Variants in INTS1 observed in about 807,000 individuals in gnomAD.
INTS1 encodes the protein integrator complex subunit 1.
A neutral mutation model predicts 241.6 loss-of-function variants in INTS1; 137 were observed. The ratio of observed to expected loss-of-function variants is 0.57; its 90% CI spans 0.49 to 0.65. The LOEUF (loss-of-function observed/expected upper bound fraction) is 0.65, where lower values mean the gene tolerates loss of function less well. Ranked by LOEUF, INTS1 falls within the 30% of genes least tolerant of loss-of-function variation. The pLI is 0.00. For synonymous variants in INTS1, 1,692 were observed against 1,337.8 expected (o/e 1.26, Z -5.78); for missense variants, 3,073 against 3,032.2 (o/e 1.01, Z -0.32).
At chr7:1,496,835 C>T (rs574586117) in intron 11 of INTS1, among the ~76,000 whole-genome samples, 4 of 152,184 alleles carry the variant, frequency 2.6e-5, no homozygotes, top group Non-Finnish European at 5.9e-5. Context: ...AGCCAGGCAG[C>T]CCGCAGCCCC....
chr7:1,473,641 T>C lies in INTS1; in HGVS notation c.5882A>G (p.Gln1961Arg). 2 of 1,613,454 alleles carry C rather than the reference T, an allele frequency of 1.2e-6. No individual in the cohort carries two copies. Among genetic ancestry groups the C allele is most frequent in the Non-Finnish European group, 1.7e-6 (2 of 1,179,798 alleles). ...HLAAFINKFVQFIHKYITYNA... is the reference protein window; with the variant it reads ...HLAAFINKFVRFIHKYITYNA... ...GTAGGTAATGTACTTATGGATGAAC[T>C]GCACAAACTTGTTGATGAAGGCAGC... Residue 1961 changes from glutamine (Q) to arginine (R), a missense_variant, in exon 42 of 48, where the codon CAG becomes CGG. Coordinates refer to ENST00000404767, the MANE Select transcript of INTS1 (RefSeq NM_001080453.3).
chr7:1,491,260 G>A (rs1487100571), intron 16 of INTS1, among the ~76,000 whole-genome samples: 2 of 152,226 alleles, frequency 1.3e-5, no homozygotes, highest in Non-Finnish European at 2.9e-5. Context: ...TGCTGCCCAC[G>A]TGGGTCCACA....
chr7:1,476,393 C>A lies in INTS1; in HGVS notation c.5214G>T (p.Leu1738=). Residue 1738 remains leucine, a synonymous_variant, in exon 38 of 48, where the codon CTG becomes CTT. Transcript: ENST00000404767. ...TCCGCGTCTCCGCCTCGGCCAGGAT[C>A]AGCTCCACCAGGCTGATGAGCTCCG... ...QGPELISLVE[L]ILAEAETRSQ... The A allele has an allele frequency of 6.3e-7, 1 of 1,577,070 alleles. No individual in the cohort carries two copies. Among genetic ancestry groups the A allele is most frequent in the East Asian group, 2.3e-5 (1 of 42,982 alleles).
chr7:1,478,808 G>T lies in INTS1; in HGVS notation c.4407C>A (p.Ser1469Arg). The T allele has an allele frequency of 6.2e-7, 1 of 1,607,760 alleles. No homozygotes were observed. Among genetic ancestry groups the T allele is most frequent in the South Asian group, 1.1e-5 (1 of 90,224 alleles). Residue 1469 changes from serine (S) to arginine (R), a missense_variant, in exon 32 of 48, where the codon AGC (serine) becomes AGA (arginine). Transcript: ENST00000404767. ...VLLQMLQWLDSPGVEGGPLRA... is the reference protein window; with the variant it reads ...VLLQMLQWLDRPGVEGGPLRA... ...GCAGGGGCCCGCCCTCCACGCCAGG[G>T]CTGTCCAGCCACTGCAGCATCTGCA...
chr7:1,473,931 C>T (rs1054132228), intron 41 of INTS1, among the ~76,000 whole-genome samples: 21 of 152,348 alleles, frequency 1.4e-4, no homozygotes, highest in Admixed American at 3.3e-4. Context: ...ACAAGCGACA[C>T]GCAGAGAACA....
In INTS1 at chr7:1,484,003, C is replaced by T. The variant is rs1562498384; in HGVS notation, c.3429G>A (p.Trp1143Ter). The change falls in exon 25 of 48, where the codon TGG becomes TGA. Residue 1143 changes from tryptophan (W) to a stop codon, truncating the protein, a stop_gained and splice_region_variant. Transcript: ENST00000404767. LOFTEE classifies it high-confidence loss of function. The part of the protein sequence containing the change: ...QSKEGEEVYS[W>*]SESQDQVFLR... ...CGGCCGTAGACCTCCTCGCCCTCAC[C>T]CAGCTGTAGACCTCCTCGCCCTCCT... The T allele has an allele frequency of 1.2e-6, 2 of 1,605,936 alleles. No homozygotes were observed. Among genetic ancestry groups the T allele is most frequent in the Non-Finnish European group, 1.7e-6 (2 of 1,175,762 alleles).
intron 10 of INTS1, among the ~76,000 whole-genome samples, chr7:1,498,042 G>A (rs542962720): frequency 6.5e-5 from 7 of 107,452 alleles, no homozygotes; most frequent in East Asian, 7.1e-4. Context: ...AATAAGACCC[G>A]GTCTCCACAA....
At chr7:1,472,609 T>C (rs1013636869) in intron 43 of INTS1, among the ~76,000 whole-genome samples, 4 of 152,150 alleles carry the variant, frequency 2.6e-5, no homozygotes, top group East Asian at 1.9e-4. Context: ...TTTCTCGCAA[T>C]GTGGGCCAGG....
At chr7:1,478,952 C>T (rs879743439) in intron 31 of INTS1, 67 bp from the exon 32 acceptor site, 23 of 1,512,068 alleles carry the variant, frequency 1.5e-5, no homozygotes, top group Admixed American at 5.7e-5. Flanking sequence ...ACCCGAGGCC[C>T]AGAGCAGGGC....
chr7:1,483,707 C>A, intron 26 of INTS1, 35 bp downstream of exon 26: 3 of 1,557,150 alleles, frequency 1.9e-6, no homozygotes, highest in Non-Finnish European at 2.6e-6. Flanking sequence ...CCACCTGGCA[C>A]GAAGCTGCCC....
intron 3 of INTS1, chr7:1,501,323 G>A (rs1583167415): frequency 6.6e-6 from 1 of 151,834 alleles, no homozygotes; most frequent in African/African-American, 2.4e-5. Flanking sequence ...TAAATAATAA[G>A]TAAATACATA....
At chr7:1,478,568 C>T (rs2128534782) in intron 32 of INTS1, 62 bp from the exon 33 acceptor site, 1 of 1,565,000 alleles carries the variant, frequency 6.4e-7, no homozygotes, top group Admixed American at 1.8e-5. Flanking sequence ...TGTATCCCAT[C>T]CAGGGAGGCC....
At chr7:1,498,934 C>G in intron 8 of INTS1, 41 bp downstream of exon 8, 1 of 1,466,576 alleles carries the variant, frequency 6.8e-7, no homozygotes, top group Non-Finnish European at 9.2e-7. Context: ...GAGCCTGCCC[C>G]CACCCCCTGC....
Position 1,477,780 on chromosome 7 carries a change from C to A in INTS1, c.4787G>T (p.Gly1596Val), listed in dbSNP as rs551678275. 4.3e-6 allele frequency: 7 copies of A among 1,612,442 alleles called. No individual in the cohort carries two copies. In the African/African-American group the frequency reaches 6.7e-5, roughly 15 times the overall value. The part of the protein sequence containing the change: ...LLLQEEEPLA[G>V]GKPGADGGSL... ...GCCACCGTCCGCACCCGGCTTCCCC[C>A]CAGCCAGGGGCTCCTCCTCCTGCAG... Residue 1596 changes from glycine to valine, a missense_variant, in exon 34 of 48, where the codon GGG becomes GTG. Gly to Val is a moderately radical substitution (Grantham distance 109). Coordinates refer to ENST00000404767, the MANE Select transcript of INTS1 (RefSeq NM_001080453.3).
At chr7:1,496,786 C>A (rs925218130) in intron 11 of INTS1, among the ~76,000 whole-genome samples, 7 of 152,182 alleles carry the variant, frequency 4.6e-5, no homozygotes, top group Non-Finnish European at 7.3e-5. Flanking sequence ...TGCCTTCCAG[C>A]GCCAGCTCCC....
At position 1,471,650 on chromosome 7, in the gene INTS1, G is replaced by A. The variant is rs1781473263; in HGVS notation, c.6185-9C>T. The stretch of plus-strand genomic sequence containing the variant: ...CAGAACCTCCAGCAGATCTGACACA[G>A]AGAGAGGGCCAGACCAGAACTGAAG... On this transcript the variant is annotated splice_polypyrimidine_tract_variant and intron_variant, in intron 44 of 47. Coordinates refer to ENST00000404767, the MANE Select transcript of INTS1 (RefSeq NM_001080453.3). 1 of 1,604,282 alleles carries A rather than the reference G, an allele frequency of 6.2e-7. No individual in the cohort carries two copies. Among genetic ancestry groups the A allele is most frequent in the Non-Finnish European group, 8.5e-7 (1 of 1,179,424 alleles).
In INTS1 at chr7:1,470,619, G is replaced by T. The variant is rs376787769; in HGVS notation, c.6531C>A (p.Ile2177=). 118 of 1,586,924 alleles carry T rather than the reference G, an allele frequency of 7.4e-5. 1 individual carries two copies. In the African/African-American group the frequency reaches 1.4e-3, roughly 19 times the overall value. ...TATGCAGGATCCTCAGGGCCTCGGA[G>T]ATCTGCGCGCTGGGGTCCATCTGGC... ...MYGQMDPSAQ[I]SEALRILHME... is the part of the protein sequence containing the mutation. The change falls in exon 48 of 48, where the codon ATC becomes ATA. Residue 2177 remains isoleucine, a synonymous_variant. Transcript: ENST00000404767.
chr7:1,471,740 C>T, intron 44 of INTS1, 99 bp from the exon 45 acceptor site: 1 of 1,134,370 alleles, frequency 8.8e-7, no homozygotes. Flanking sequence ...CCGAGCACCA[C>T]AGGACAGAAA....
intron 37 of INTS1, 32 bp from the exon 38 acceptor site, chr7:1,476,487 A>ACCGCCGCCTCTCCCGGATGGG: frequency 9.1e-7 from 1 of 1,093,796 alleles, no homozygotes; most frequent in Admixed American, 2.6e-5. Flanking sequence ...GCCCCGGAGC[A>ACCGCCGCCTCTCCCGGATGGG]CCACCGCCTC....
Sources: gnomAD v4.1 joint callset for allele counts (sites outside exome capture counted in the v4.1 genomes callset) on GRCh38, gnomAD v4.1.1 for gene constraint, MANE v1.5 for transcripts, NCBI Gene and HGNC (gene_info 2026-07-23, HGNC 2026-07-21) for gene names.